Variants in SUPT20H observed in about 807,000 individuals in gnomAD.
The protein encoded by SUPT20H is transcription factor SPT20 homolog.
In SUPT20H, 82 loss-of-function variants were observed where a neutral mutation model predicts 122.8. The observed-to-expected ratio is 0.67, with a 90% CI of 0.56 to 0.80. SUPT20H has a LOEUF of 0.80. Among genes scored for constraint, SUPT20H ranks in the 30% least tolerant of loss-of-function variants. The pLI, the probability that SUPT20H is intolerant of heterozygous loss-of-function variation, is 0.00. For missense variants in SUPT20H, 831 were observed against 921.6 expected (o/e 0.90, Z 1.27); for synonymous variants, 291 against 313.0 (o/e 0.93, Z 0.74).
rs1566199478 is a variant in SUPT20H, at chr13:37,028,207, AT to A, written c.1091del (p.Tyr364LeufsTer42). 1.2e-6 allele frequency: 2 copies of A among 1,613,476 alleles called. No homozygotes were observed. The highest frequency in any genetic ancestry group is 1.7e-6 in the Non-Finnish European group (2 of 1,179,768). ...ILQSLGDPLY[Y>X]GKIQPCKADE... ...CTGCTTTACATGGCTGTATTTTACC[AT>A]AGTAAAGTGGATCTCCAAGCGACTG... On this transcript the variant is annotated frameshift_variant, in exon 14 of 26. Coordinates refer to ENST00000350612, the MANE Select transcript of SUPT20H (RefSeq NM_001014286.3). LOFTEE classifies it high-confidence loss of function.
chr13:37,028,000 C>T, intron 14 of SUPT20H, 148 bp downstream of exon 14: 2 of 653,324 alleles, frequency 3.1e-6, no homozygotes, highest in South Asian at 7.4e-5. Context: ...TTACTTAGGT[C>T]TACCGCCAAA....
At position 37,040,456 on chromosome 13, in the gene SUPT20H, A is replaced by G. The variant is rs1360085497; in HGVS notation, c.516T>C (p.Thr172=). ...RHILLRPTMQ[T]LICDVHSITS... is the part of the protein sequence containing the mutation. Reference sequence around the variant, plus strand: ...TTATTGAATGTACATCACAAATTAAAGTCTAGAAGAAATAAAAATTTAAAA... The same window carrying G: ...TTATTGAATGTACATCACAAATTAAGGTCTAGAAGAAATAAAAATTTAAAA... Residue 172 remains threonine (T), a splice_region_variant and synonymous_variant, in exon 9 of 26, where the codon ACT becomes ACC. Transcript: ENST00000350612. 2 of 1,578,248 alleles carry G rather than the reference A, an allele frequency of 1.3e-6. No individual in the cohort carries two copies.
chr13:37,034,973 C>T (rs1356492500), intron 9 of SUPT20H, among the ~76,000 whole-genome samples: 1 of 152,190 alleles, frequency 6.6e-6, no homozygotes, highest in African/African-American at 2.4e-5. Context: ...TTTAAGGCCA[C>T]TGTAGAGACC....
Position 37,024,092 on chromosome 13 carries a change from G to T in SUPT20H, c.1534C>A (p.Leu512Ile), listed in dbSNP as rs144698278. 1.5e-5 allele frequency: 24 copies of T among 1,613,404 alleles called. No homozygotes were observed. Among genetic ancestry groups the T allele is most frequent in the Admixed American group, 1.3e-4 (8 of 59,924 alleles). Residue 512 changes from leucine to isoleucine, a missense_variant, in exon 19 of 26, where the codon CTC becomes ATC. Coordinates refer to ENST00000350612, the MANE Select transcript of SUPT20H (RefSeq NM_001014286.3). The stretch of plus-strand genomic sequence containing the variant: ...GGAGAAAGCATGCTAACTTGATTGA[G>T]ATCCACAGATGATTTCCGAGGAATA... ...SSIPRKSSVD[L>I]NQVSMLSPAA...
chr13:37,033,708 G>T (rs1379960383), intron 9 of SUPT20H, 120 bp from the exon 10 acceptor site: 1 of 1,073,572 alleles, frequency 9.3e-7, no homozygotes, highest in Admixed American at 3.1e-5. Flanking sequence ...GTAAAATATG[G>T]TATTTCAAGT....
intron 12 of SUPT20H, among the ~76,000 whole-genome samples, chr13:37,030,416 C>T (rs1446034177): frequency 1.3e-5 from 2 of 152,084 alleles, no homozygotes; most frequent in African/African-American, 4.8e-5. Flanking sequence ...TTAGACTTAC[C>T]TGGAGCACCT....
At chr13:37,031,449 G>T (rs2063309152) in intron 12 of SUPT20H, 118 bp downstream of exon 12, 1 of 566,908 alleles carries the variant, frequency 1.8e-6, no homozygotes, top group Non-Finnish European at 2.9e-6. Context: ...TTTAGAGTAT[G>T]ATCTAAATCA....
intron 13 of SUPT20H, among the ~76,000 whole-genome samples, chr13:37,028,603 T>A (rs2062739869): frequency 6.6e-6 from 1 of 152,152 alleles, no homozygotes; most frequent in African/African-American, 2.4e-5. Flanking sequence ...GACATATTGA[T>A]ATACATATAA....
At chr13:37,031,323 A>C (rs1206729633) in intron 12 of SUPT20H, among the ~76,000 whole-genome samples, 2 of 152,126 alleles carry the variant, frequency 1.3e-5, no homozygotes, top group Non-Finnish European at 2.9e-5. Flanking sequence ...GCTCCAAAAA[A>C]CTATATTAAG....
At chr13:37,050,639 T>A (rs1161701301) in intron 2 of SUPT20H, among the ~76,000 whole-genome samples, 1 of 152,172 alleles carries the variant, frequency 6.6e-6, no homozygotes, top group Non-Finnish European at 1.5e-5. Context: ...AATTAAAACT[T>A]CAAAGGGTCT....
chr13:37,053,052 C>G (rs1468619791), intron 1 of SUPT20H, among the ~76,000 whole-genome samples: 1 of 152,194 alleles, frequency 6.6e-6, no homozygotes, highest in Non-Finnish European at 1.5e-5. Flanking sequence ...GAAACAGGAA[C>G]ACTTTTACAC....
intron 20 of SUPT20H, among the ~76,000 whole-genome samples, 191 bp downstream of exon 20, chr13:37,021,820 T>G (rs1354563575): frequency 6.6e-6 from 1 of 152,168 alleles, no homozygotes; most frequent in East Asian, 1.9e-4. Flanking sequence ...AGATATCATC[T>G]TAGTGCAGTT....
chr13:37,036,577 C>T (rs2064462568), intron 9 of SUPT20H, among the ~76,000 whole-genome samples: 1 of 152,142 alleles, frequency 6.6e-6, no homozygotes, highest in East Asian at 1.9e-4. Flanking sequence ...GCCTCAGCCT[C>T]CCAAAGTGCT....
At chr13:37,031,678 A>C (rs1335942791) in intron 11 of SUPT20H, 55 bp from the exon 12 acceptor site, 1 of 1,543,012 alleles carries the variant, frequency 6.5e-7, no homozygotes, top group Non-Finnish European at 8.7e-7. Flanking sequence ...AATATACTGA[A>C]AATGCTAAAT....
At chr13:37,020,912 A>G (rs910877262) in intron 21 of SUPT20H, among the ~76,000 whole-genome samples, 1 of 152,186 alleles carries the variant, frequency 6.6e-6, no homozygotes, top group Non-Finnish European at 1.5e-5. Context: ...CACAGTTTAA[A>G]CACATAATTT....
At chr13:37,057,526 A>T (rs1445825889) in intron 1 of SUPT20H, among the ~76,000 whole-genome samples, 5 of 5,636 alleles carry the variant, frequency 8.9e-4, no homozygotes, top group South Asian at 0.018. Flanking sequence ...CAAGCCATTA[A>T]AAAAAAAAAA....
intron 5 of SUPT20H, among the ~76,000 whole-genome samples, chr13:37,046,683 T>G (rs995907654): frequency 4.6e-5 from 7 of 152,178 alleles, no homozygotes; most frequent in African/African-American, 1.7e-4. Flanking sequence ...ATGATGAATA[T>G]GTACATTCTA....
chr13:37,051,652 A>AT, intron 1 of SUPT20H, 69 bp from the exon 2 acceptor site: 2 of 490,816 alleles, frequency 4.1e-6, no homozygotes, highest in Non-Finnish European at 7.3e-6. Context: ...AAGAGATTAC[A>AT]TATTTCATAA....
chr13:37,045,805 C>T (rs1251389986), intron 5 of SUPT20H, among the ~76,000 whole-genome samples: 1 of 152,044 alleles, frequency 6.6e-6, no homozygotes, highest in Non-Finnish European at 1.5e-5. Context: ...CTAAGAAGTG[C>T]ACATTTCTTA....
Sources: allele counts gnomAD v4.1 joint callset (sites outside exome capture counted in the v4.1 genomes callset), GRCh38; gene constraint gnomAD v4.1.1; transcripts MANE v1.5; gene names NCBI Gene and HGNC (gene_info 2026-07-23, HGNC 2026-07-21).